SBNO2: variants seen among roughly 807,000 people sequenced by gnomAD.
The protein encoded by SBNO2 is protein strawberry notch homolog 2.
A neutral mutation model predicts 146.3 loss-of-function variants in SBNO2; 89 were observed. That is an observed-to-expected ratio of 0.61 (90% confidence interval 0.51 to 0.73). The LOEUF (loss-of-function observed/expected upper bound fraction) is 0.73. Among genes scored for constraint, SBNO2 ranks in the 30% least tolerant of loss-of-function variants. The probability of loss-of-function intolerance (pLI) is 0.00; values close to 1 mark genes in which losing one functional copy is unlikely to be tolerated. For synonymous variants in SBNO2, 1,147 were observed against 892.6 expected (o/e 1.29, Z -5.08); for missense variants, 2,092 against 2,003.7 (o/e 1.04, Z -0.84).
Position 1,119,961 on chromosome 19 carries a change from C to A in SBNO2, c.1212G>T (p.Val404=), listed in dbSNP as rs1350994320. 5 of 1,551,070 alleles carry A rather than the reference C, an allele frequency of 3.2e-6. No individual in the cohort carries two copies. Among genetic ancestry groups the A allele is most frequent in the Non-Finnish European group, 4.4e-6 (5 of 1,147,300 alleles). Residue 404 remains valine, a synonymous_variant, in exon 12 of 32, where the codon GTG becomes GTT. Coordinates refer to ENST00000361757, the MANE Select transcript of SBNO2 (RefSeq NM_014963.3). The part of the protein sequence containing the change: ...NAGSTKMGKA[V]LDLQNKLPLA... Reference sequence around the variant, plus strand: ...GGGGCAGCTTGTTCTGCAGGTCTAGCACAGCCTTGCCCATCTTGGTGGAGC... The same window carrying A: ...GGGGCAGCTTGTTCTGCAGGTCTAGAACAGCCTTGCCCATCTTGGTGGAGC...
At chr19:1,111,118 C>A in intron 24 of SBNO2, 25 bp from the exon 25 acceptor site, 1 of 1,539,316 alleles carries the variant, frequency 6.5e-7, no homozygotes. Context: ...GCCTCACATG[C>A]TGGTCTTCCC....
At chr19:1,116,800 C>G (rs2079837053) in intron 16 of SBNO2, 29 bp downstream of exon 16, 1 of 1,547,226 alleles carries the variant, frequency 6.5e-7, no homozygotes, top group Non-Finnish European at 8.7e-7. Flanking sequence ...GCAGGAAGCC[C>G]ACAGTCCTGT....
At chr19:1,166,403 C>T (rs1012806718) in intron 1 of SBNO2, among the ~76,000 whole-genome samples, 5 of 152,244 alleles carry the variant, frequency 3.3e-5, no homozygotes, top group African/African-American at 1.2e-4. Flanking sequence ...AAAGGCCTGT[C>T]CGCCTGGACA....
rs978592017 is a variant in SBNO2, at chr19:1,136,190, C to G, written c.280-8425G>C. The stretch of plus-strand genomic sequence containing the variant: ...CAGATGCTGGAGGGGCCGGAAGGAG[C>G]GCGGCCCTGTCCGCACCTTGACTTT... On this transcript the variant is annotated intron_variant, in intron 4 of 31. Coordinates refer to ENST00000361757, the MANE Select transcript of SBNO2 (RefSeq NM_014963.3). The surrounding 1 kb of genome is among the most constrained non-coding windows in gnomAD (Gnocchi z 4.2). 5.9e-5 allele frequency among the ~76,000 whole-genome samples: 9 copies of G among 152,156 alleles called. No homozygotes were observed. Among genetic ancestry groups the G allele is most frequent in the Admixed American group, 5.9e-4 (9 of 15,286 alleles).
intron 5 of SBNO2, among the ~76,000 whole-genome samples, chr19:1,124,887 G>A (rs893533996): frequency 2.0e-5 from 3 of 152,116 alleles, no homozygotes; most frequent in Non-Finnish European, 4.4e-5. Context: ...GGTGGGTCGG[G>A]GGGTGGTGTG....
chr19:1,123,855 C>A, intron 6 of SBNO2, 87 bp downstream of exon 6: 1 of 1,377,334 alleles, frequency 7.3e-7, no homozygotes, highest in East Asian at 2.5e-5. Context: ...GCCAAGCGCT[C>A]CCCACAATGG....
intron 11 of SBNO2, among the ~76,000 whole-genome samples, chr19:1,121,690 C>T (rs2079902794): frequency 6.6e-6 from 1 of 152,180 alleles, no homozygotes; most frequent in Admixed American, 6.5e-5. Context: ...GTGAACTGTG[C>T]CCACCACACT....
At position 1,112,999 on chromosome 19, in the gene SBNO2, G is replaced by A. The variant is rs1262592765; in HGVS notation, c.2248-50C>T. On this transcript the variant is annotated intron_variant, in intron 19 of 31. Transcript: ENST00000361757. The surrounding 1 kb of genome is among the most constrained non-coding windows in gnomAD (Gnocchi z 5.9). ...CGGCCGTCAGTGTTGTGGCCTCGCA[G>A]GAGTCTGGCCACCCGTGTCTCAGCT... The A allele has an allele frequency of 1.3e-6, 2 of 1,515,048 alleles. No individual in the cohort carries two copies. The highest frequency in any genetic ancestry group is 1.8e-6 in the Non-Finnish European group (2 of 1,128,740). The allele number at this position is 1,515,048 out of a possible 1,614,324, so 93.9% of individuals were successfully genotyped here.
Position 1,109,460 on chromosome 19 carries a change from C to T in SBNO2, c.3217-37G>A, listed in dbSNP as rs1376537633. 1.9e-6 allele frequency: 3 copies of T among 1,565,934 alleles called. No homozygotes were observed. The highest frequency in any genetic ancestry group is 4.8e-5 in the East Asian group (2 of 42,060). ...GGCGTTGAGGCCGCGCCCCGGTCCG[C>T]CCCCCGCGGGCCCTCCTCTGGGGGG... On this transcript the variant is annotated intron_variant, in intron 28 of 31. Transcript: ENST00000361757. This position sits in a 1 kb window ranked among gnomAD's most constrained non-coding sequence, Gnocchi z 4.2.
Position 1,110,881 on chromosome 19 carries a change from G to C in SBNO2, c.2892C>G (p.Ser964=). 2 of 1,613,658 alleles carry C rather than the reference G, an allele frequency of 1.2e-6. No individual in the cohort carries two copies. Among genetic ancestry groups the C allele is most frequent in the South Asian group, 1.1e-5 (1 of 91,086 alleles). Residue 964 remains serine, a synonymous_variant, in exon 26 of 32, where the codon TCC becomes TCG. Coordinates refer to ENST00000361757, the MANE Select transcript of SBNO2 (RefSeq NM_014963.3). The surrounding 1 kb of genome is among the most constrained non-coding windows in gnomAD (Gnocchi z 4.9). The stretch of plus-strand genomic sequence containing the variant: ...GGATGCGGTTCAGGAACTTGGTGAT[G>C]GAACAGTCTGGTAGGGGAGGGAGCC... ...NGCLDVEKDC[S]ITKFLNRILG... is the part of the protein sequence containing the mutation.
chr19:1,152,092 G>A (rs2080247603), intron 2 of SBNO2, among the ~76,000 whole-genome samples: 1 of 152,246 alleles, frequency 6.6e-6, no homozygotes, highest in Admixed American at 6.5e-5. Flanking sequence ...GAACAGGGAG[G>A]GTGGGATGAG....
intron 4 of SBNO2, among the ~76,000 whole-genome samples, chr19:1,135,456 G>A (rs1456152784): frequency 1.3e-5 from 2 of 152,238 alleles, no homozygotes; most frequent in Non-Finnish European, 2.9e-5. Context: ...CACAGACTCC[G>A]ACTTGCTCCC....
chr19:1,125,060 C>T (rs1431747513), intron 5 of SBNO2, among the ~76,000 whole-genome samples: 2 of 151,926 alleles, frequency 1.3e-5, no homozygotes, highest in African/African-American at 2.4e-5. Context: ...CCATAAAAAA[C>T]GTAAGCATGG....
chr19:1,122,460 G>T lies in SBNO2; in HGVS notation c.1005+8C>A. 1 of 1,568,192 alleles carries T rather than the reference G, an allele frequency of 6.4e-7. No individual in the cohort carries two copies. ...CTTGCCCCCTACTTTGCCGAGCACAGCCCCTACCTTGCTGAGCGCGTGCAC... is the reference window on the plus strand; with the variant it reads ...CTTGCCCCCTACTTTGCCGAGCACATCCCCTACCTTGCTGAGCGCGTGCAC... On this transcript the variant is annotated splice_region_variant and intron_variant, in intron 10 of 31. Coordinates refer to ENST00000361757, the MANE Select transcript of SBNO2 (RefSeq NM_014963.3).
chr19:1,125,046 C>T lies in SBNO2; in HGVS notation c.442-1024G>A, dbSNP rs887485577. Among the ~76,000 whole-genome samples, 9 of 151,636 alleles carry T rather than the reference C, an allele frequency of 5.9e-5. No individual in the cohort carries two copies. The East Asian group carries it at 9.7e-4, about 16-fold the overall frequency. ...AAAAGCAAAAATCCTAACAGTAATA[C>T]GAGCCATAAAAAACGTAAGCATGGT... On this transcript the variant is annotated intron_variant, in intron 5 of 31. Coordinates refer to ENST00000361757, the MANE Select transcript of SBNO2 (RefSeq NM_014963.3).
chr19:1,111,623 A>T lies in SBNO2; in HGVS notation c.2701-9T>A. 1 of 1,568,810 alleles carries T rather than the reference A, an allele frequency of 6.4e-7. No homozygotes were observed. The highest frequency in any genetic ancestry group is 8.7e-7 in the Non-Finnish European group (1 of 1,155,890). ...AGGGCCCGGGTGCCATACTAGGGGG[A>T]GAAGGTGACTCGGGGAGGAGGCCCA... On this transcript the variant is annotated splice_polypyrimidine_tract_variant and intron_variant, in intron 23 of 31. Coordinates refer to ENST00000361757, the MANE Select transcript of SBNO2 (RefSeq NM_014963.3).
At position 1,127,724 on chromosome 19, in the gene SBNO2, G is replaced by A. The variant is rs750772148; in HGVS notation, c.321C>T (p.Phe107=). The A allele has an allele frequency of 1.3e-5, 21 of 1,613,646 alleles. No homozygotes were observed. In the South Asian group the frequency reaches 2.3e-4, roughly 18 times the overall value. ...CCGACAGGGAGTCCACGGACGAGGA[G>A]AAGATGGAGATGTTGGAGAAGTCCT... ...YFEDFSNISI[F]SSSVDSLSDI... The change falls in exon 5 of 32, where the codon TTC becomes TTT. Residue 107 remains phenylalanine, a synonymous_variant. Transcript: ENST00000361757.
rs1776039909 is a variant in SBNO2, at chr19:1,173,827, G to GGTACAGGGA, written c.-127+336_-127+344dup. The GGTACAGGGA allele has an allele frequency of 6.6e-6, 1 of 152,040 alleles. No homozygotes were observed. The highest frequency in any genetic ancestry group is 2.4e-5 in the African/African-American group (1 of 41,408). The allele number at this position is 152,040 out of a possible 1,614,324, so 9.4% of individuals were successfully genotyped here. A position where few individuals can be genotyped will look rare whatever the true frequency, so the allele number is the denominator to read the frequency against. ...AAGGTCGGGGGTCACCAAGCTGCGC[G>GGTACAGGGA]GTACAGGGAGTCACCCGGAAGAGCG... On this transcript the variant is annotated intron_variant, in intron 1 of 31. Coordinates refer to ENST00000361757, the MANE Select transcript of SBNO2 (RefSeq NM_014963.3). This position sits in a 1 kb window ranked among gnomAD's most constrained non-coding sequence, Gnocchi z 4.7.
intron 1 of SBNO2, among the ~76,000 whole-genome samples, chr19:1,164,606 GAGGAGGAGGAGGAGGAAC>G (rs1374053639): frequency 3.8e-3 from 7 of 1,866 alleles, no homozygotes; most frequent in African/African-American, 0.015. Flanking sequence ...GTGGAGACAG[GAGGAGGAGGAGGAGGAAC>G]AGGAGGAGGA....
Sources: allele counts gnomAD v4.1 joint callset (sites outside exome capture counted in the v4.1 genomes callset), GRCh38; gene constraint gnomAD v4.1.1; non-coding constraint Gnocchi (gnomAD v3.1); transcripts MANE v1.5; gene names NCBI Gene and HGNC (gene_info 2026-07-23, HGNC 2026-07-21).